Variants in TET3 observed in about 807,000 individuals in gnomAD.
TET3 encodes tet methylcytosine dioxygenase 3, also known as methylcytosine dioxygenase TET3.
A neutral mutation model predicts 141.4 loss-of-function variants in TET3; 19 were observed. The ratio of observed to expected loss-of-function variants is 0.13; its 90% CI spans 0.09 to 0.20. The LOEUF (loss-of-function observed/expected upper bound fraction) is 0.20. TET3 is among the 10% of genes least tolerant of loss of function. The pLI is 1.00. For missense variants in TET3, 1,874 were observed against 2,356.9 expected (o/e 0.80, Z 4.24); for synonymous variants, 1,043 against 980.9 (o/e 1.06, Z -1.18).
chr2:73,986,023 C>G lies in TET3; in HGVS notation c.-381C>G, dbSNP rs1213918565. 1 of 177,452 alleles carries G rather than the reference C, an allele frequency of 5.6e-6. No homozygotes were observed. Among genetic ancestry groups the G allele is most frequent in the Non-Finnish European group, 1.2e-5 (1 of 85,486 alleles). The allele number at this position is 177,452 out of a possible 1,614,324, so 11.0% of individuals were successfully genotyped here. ...GCGTCCAGACCCTGGAGGAAAAATA[C>G]CAGGAGAAACTGCTCACTCAGCTCT... On this transcript the variant is annotated 5_prime_UTR_variant, in exon 2 of 12. Coordinates refer to ENST00000409262, the MANE Select transcript of TET3 (RefSeq NM_001287491.2).
chr2:74,001,051 G>C (rs1290787279), intron 2 of TET3, among the ~76,000 whole-genome samples: 1 of 152,170 alleles, frequency 6.6e-6, no homozygotes, highest in East Asian at 1.9e-4. Context: ...TGTCAAAGTT[G>C]AGGGGCACAG....
chr2:74,029,025 C>T (rs946059355), intron 3 of TET3, among the ~76,000 whole-genome samples: 1 of 152,106 alleles, frequency 6.6e-6, no homozygotes, highest in Non-Finnish European at 1.5e-5. Flanking sequence ...GAACCATGGG[C>T]CTTAGGGGGT....
intron 3 of TET3, among the ~76,000 whole-genome samples, chr2:74,033,188 T>TA (rs1359073495): frequency 1.3e-5 from 2 of 152,158 alleles, no homozygotes; most frequent in Admixed American, 6.5e-5. Flanking sequence ...TTCCCCTAAA[T>TA]AAAAATGAAA....
At chr2:74,024,843 A>T (rs1266626075) in intron 3 of TET3, among the ~76,000 whole-genome samples, 1 of 152,196 alleles carries the variant, frequency 6.6e-6, no homozygotes, top group African/African-American at 2.4e-5. Flanking sequence ...AATTCTCTTC[A>T]CTTGGATACC....
chr2:74,025,710 A>G (rs1399398332), intron 3 of TET3, among the ~76,000 whole-genome samples: 1 of 152,202 alleles, frequency 6.6e-6, no homozygotes, highest in African/African-American at 2.4e-5. Context: ...CTTGTAAGAG[A>G]AACCCCCCAG....
At chr2:74,038,823 G>T (rs1687198469) in intron 3 of TET3, among the ~76,000 whole-genome samples, 1 of 152,220 alleles carries the variant, frequency 6.6e-6, no homozygotes, top group African/African-American at 2.4e-5. Context: ...ATCCCTAACA[G>T]AACGTGGCTG....
At chr2:74,018,268 T>C (rs1479121693) in intron 3 of TET3, among the ~76,000 whole-genome samples, 1 of 152,002 alleles carries the variant, frequency 6.6e-6, no homozygotes, top group Non-Finnish European at 1.5e-5. Flanking sequence ...TGCCTGGCCT[T>C]CTTCTGTCAT....
chr2:74,030,882 C>A (rs1686642736), intron 3 of TET3, among the ~76,000 whole-genome samples: 1 of 152,086 alleles, frequency 6.6e-6, no homozygotes, highest in Non-Finnish European at 1.5e-5. Context: ...GGTTTGCTTG[C>A]ATATGGAAAC....
At chr2:74,060,811 G>C (rs953269711) in intron 4 of TET3, among the ~76,000 whole-genome samples, 7 of 152,250 alleles carry the variant, frequency 4.6e-5, no homozygotes, top group Admixed American at 3.3e-4. Context: ...AGTGGACATA[G>C]CACATGTTTC....
chr2:73,999,634 T>A (rs915007727), intron 2 of TET3, among the ~76,000 whole-genome samples: 1 of 150,828 alleles, frequency 6.6e-6, no homozygotes, highest in Non-Finnish European at 1.5e-5. Flanking sequence ...TTCCTCCTGC[T>A]GGGAGCACAG....
At chr2:74,043,411 T>C (rs1687449477) in intron 3 of TET3, among the ~76,000 whole-genome samples, 1 of 152,110 alleles carries the variant, frequency 6.6e-6, no homozygotes, top group Admixed American at 6.5e-5. Flanking sequence ...TCATTGAGAT[T>C]TGGACCCTGC....
At position 74,102,454 on chromosome 2, in the gene TET3, C is replaced by G. The variant is rs574584394; in HGVS notation, c.*278C>G. 7.8e-4 allele frequency: 234 copies of G among 300,082 alleles called. No homozygotes were observed. The highest frequency in any genetic ancestry group is 4.8e-3 in the African/African-American group (221 of 46,476). The allele number at this position is 300,082 out of a possible 1,614,324, so 18.6% of individuals were successfully genotyped here. On this transcript the variant is annotated 3_prime_UTR_variant, in exon 12 of 12. Transcript: ENST00000409262. ...TATTTATATCTCCAAGTTGTCCCCC[C>G]CCCTTGTCTGGGGGGTTTTTATTTT...
Position 74,104,899 on chromosome 2 carries a change from G to A in TET3, c.*2723G>A, listed in dbSNP as rs1014673764. The A allele has an allele frequency of 1.5e-5, 5 of 332,938 alleles. No homozygotes were observed. The highest frequency in any genetic ancestry group is 2.2e-5 in the Non-Finnish European group (4 of 185,982). The allele number at this position is 332,938 out of a possible 1,614,324, so 20.6% of individuals were successfully genotyped here. A position where few individuals can be genotyped will look rare whatever the true frequency, so the allele number is the denominator to read the frequency against. On this transcript the variant is annotated 3_prime_UTR_variant, in exon 12 of 12. Coordinates refer to ENST00000409262, the MANE Select transcript of TET3 (RefSeq NM_001287491.2). ...ATGTCCCCACTCCCCGCAGAATGGC[G>A]TTTCCAGAGTTAGGCGGTGTGGTTG... is the stretch of plus-strand genomic sequence containing the variant.
chr2:73,986,209 T>G lies in TET3; in HGVS notation c.-195T>G, dbSNP rs1684019698. The G allele has an allele frequency of 2.4e-6, 1 of 422,396 alleles. No individual in the cohort carries two copies. Among genetic ancestry groups the G allele is most frequent in the African/African-American group, 2.1e-5 (1 of 48,772 alleles). 26.2% of individuals were successfully genotyped at this position (422,396 alleles called of 1,614,324 possible). A position where few individuals can be genotyped will look rare whatever the true frequency, so the allele number is the denominator to read the frequency against. ...GGTGGGAGAGTGGCCCCCTACGGAG[T>G]CCGATCAGACTGCTGCAGAGGAGGT... is the stretch of plus-strand genomic sequence containing the variant. On this transcript the variant is annotated 5_prime_UTR_variant, in exon 2 of 12. Coordinates refer to ENST00000409262, the MANE Select transcript of TET3 (RefSeq NM_001287491.2).
intron 2 of TET3, chr2:74,002,811 G>A (rs998091704): frequency 1.7e-5 from 10 of 571,642 alleles, no homozygotes; most frequent in South Asian, 1.5e-4. Context: ...GGTAGAGCGC[G>A]CGGGGCCGGG....
intron 8 of TET3, among the ~76,000 whole-genome samples, chr2:74,091,163 T>A (rs971264836): frequency 7.9e-5 from 12 of 152,188 alleles, no homozygotes; most frequent in African/African-American, 2.9e-4. Context: ...TAGTCTAATT[T>A]GTTATTAGAT....
intron 4 of TET3, among the ~76,000 whole-genome samples, chr2:74,068,716 C>A (rs374348941): frequency 6.6e-6 from 1 of 152,188 alleles, no homozygotes; most frequent in Non-Finnish European, 1.5e-5. Flanking sequence ...TTTATACTGC[C>A]TGTATCCTCA....
intron 4 of TET3, among the ~76,000 whole-genome samples, chr2:74,071,125 A>G (rs959199920): frequency 2.0e-5 from 3 of 152,156 alleles, no homozygotes; most frequent in Admixed American, 1.3e-4. Context: ...CCTCCTCGCT[A>G]TATCTTCACA....
intron 3 of TET3, among the ~76,000 whole-genome samples, chr2:74,036,861 G>A (rs1687091295): frequency 2.0e-5 from 3 of 152,106 alleles, no homozygotes; most frequent in South Asian, 4.1e-4. Context: ...ATGACCTCAG[G>A]GAATTAGGCC....
Sources: allele counts gnomAD v4.1 joint callset (sites outside exome capture counted in the v4.1 genomes callset), GRCh38; gene constraint gnomAD v4.1.1; transcripts MANE v1.5; gene names NCBI Gene and HGNC (gene_info 2026-07-23, HGNC 2026-07-21).